Variants in RHBDD1 observed in about 807,000 individuals in gnomAD.
RHBDD1 encodes rhomboid-related protein 4.
RHBDD1 carries 38 observed loss-of-function variants against 36.3 expected under a neutral mutation model. That is an observed-to-expected ratio of 1.05 (90% CI 0.81 to 1.37). RHBDD1 has a LOEUF of 1.37. RHBDD1 is among the 40% of genes most tolerant of loss of function. RHBDD1 has a pLI of 0.00. For missense variants in RHBDD1, 393 were observed against 377.6 expected (o/e 1.04, Z -0.34); for synonymous variants, 151 against 136.5 (o/e 1.11, Z -0.74).
chr2:226,853,250 ATG>A (rs1943002654), intron 3 of RHBDD1, among the ~76,000 whole-genome samples: 1 of 152,240 alleles, frequency 6.6e-6, no homozygotes, highest in African/African-American at 2.4e-5. Flanking sequence ...TCTCTTCTAA[ATG>A]TTCCTGGTCT....
rs1948492756 is a variant in RHBDD1, at chr2:226,911,241, G to A, written c.712+2363G>A. On this transcript the variant is annotated intron_variant, in intron 7 of 8. Transcript: ENST00000392062. Reference sequence around the variant, plus strand: ...GAATTAACTGAGCATTTTTGGGGGTGGATAGGTAGAAATGCTGCGTAGATC... The same window carrying A: ...GAATTAACTGAGCATTTTTGGGGGTAGATAGGTAGAAATGCTGCGTAGATC... Among the ~76,000 whole-genome samples the A allele has an allele frequency of 1.3e-5, 2 of 152,086 alleles. 1 individual carries two copies. Among genetic ancestry groups the A allele is most frequent in the Admixed American group, 1.3e-4 (2 of 15,250 alleles).
intron 5 of RHBDD1, among the ~76,000 whole-genome samples, chr2:226,883,672 G>A (rs1945968675): frequency 2.6e-5 from 4 of 152,158 alleles, no homozygotes; most frequent in Admixed American, 2.6e-4. Flanking sequence ...AATCAATTTT[G>A]GTGACTTGGT....
intron 3 of RHBDD1, 149 bp from the exon 4 acceptor site, chr2:226,864,455 C>T (rs994869741): frequency 1.0e-5 from 5 of 497,748 alleles, no homozygotes; most frequent in Non-Finnish European, 1.8e-5. Flanking sequence ...TCAGCATCCT[C>T]GATATTACTC....
chr2:226,945,350 C>T (rs546033600), intron 8 of RHBDD1, among the ~76,000 whole-genome samples: 1 of 152,088 alleles, frequency 6.6e-6, no homozygotes, highest in African/African-American at 2.4e-5. Flanking sequence ...TGATGTTCCC[C>T]TCCTTATGTC....
At chr2:226,929,447 G>A (rs1183634592) in intron 8 of RHBDD1, among the ~76,000 whole-genome samples, 3 of 152,018 alleles carry the variant, frequency 2.0e-5, no homozygotes, top group East Asian at 1.9e-4. Context: ...CTAAAGTCCA[G>A]CATCCATTTA....
intron 5 of RHBDD1, 194 bp from the exon 6 acceptor site, chr2:226,906,599 A>C: frequency 2.5e-6 from 3 of 1,215,268 alleles, no homozygotes; most frequent in Non-Finnish European, 3.4e-6. Context: ...GGTGGTTGTT[A>C]TTCATTGTAC....
chr2:226,829,810 T>A, the RHBDD1 span, among the ~76,000 whole-genome samples: 1 of 152,070 alleles, frequency 6.6e-6, no homozygotes, highest in Non-Finnish European at 1.5e-5. Flanking sequence ...GTGAATAGAG[T>A]TTCACTTTTT....
intron 8 of RHBDD1, among the ~76,000 whole-genome samples, chr2:226,986,446 A>G (rs1393034884): frequency 6.6e-6 from 1 of 152,222 alleles, no homozygotes; most frequent in Non-Finnish European, 1.5e-5. Flanking sequence ...ACGTAAATTT[A>G]AAATTATTCC....
intron 5 of RHBDD1, chr2:226,869,260 C>T (rs1045385353): frequency 5.9e-5 from 49 of 830,778 alleles, no homozygotes; most frequent in Non-Finnish European, 6.8e-5. Context: ...TGTCTTTGAA[C>T]TTAAAGTCTT....
chr2:226,959,496 C>T (rs1338978654), intron 8 of RHBDD1, among the ~76,000 whole-genome samples: 1 of 152,168 alleles, frequency 6.6e-6, no homozygotes, highest in Non-Finnish European at 1.5e-5. Flanking sequence ...TTTTTATAAA[C>T]AGAAACGTAC....
chr2:226,851,722 T>G (rs1404562314), intron 3 of RHBDD1, among the ~76,000 whole-genome samples: 1 of 152,230 alleles, frequency 6.6e-6, no homozygotes, highest in Non-Finnish European at 1.5e-5. Flanking sequence ...CTGTGTAATT[T>G]AGTTAAACTG....
intron 5 of RHBDD1, among the ~76,000 whole-genome samples, chr2:226,879,763 CAT>C (rs1392391918): frequency 1.3e-5 from 2 of 152,058 alleles, no homozygotes; most frequent in African/African-American, 4.8e-5. Context: ...AAGCAAGTGA[CAT>C]ATAAATTCAG....
At chr2:226,802,713 T>C in the RHBDD1 span, among the ~76,000 whole-genome samples, 1 of 152,106 alleles carries the variant, frequency 6.6e-6, no homozygotes. Context: ...TATAGGAGAG[T>C]TAGAGCCGAT....
intron 8 of RHBDD1, among the ~76,000 whole-genome samples, chr2:226,936,610 A>T (rs1008606267): frequency 6.6e-6 from 1 of 152,160 alleles, no homozygotes; most frequent in Non-Finnish European, 1.5e-5. Flanking sequence ...AATTAATTCT[A>T]CCCATATCCC....
intron 5 of RHBDD1, among the ~76,000 whole-genome samples, chr2:226,883,099 A>G (rs575230817): frequency 7.9e-5 from 12 of 152,370 alleles, no homozygotes; most frequent in Non-Finnish European, 1.6e-4. Flanking sequence ...AGTTTGGTCC[A>G]TAAGAGTTCC....
At chr2:226,845,239 G>A (rs1942095472) in intron 3 of RHBDD1, among the ~76,000 whole-genome samples, 2 of 152,138 alleles carry the variant, frequency 1.3e-5, no homozygotes, top group South Asian at 4.1e-4. Context: ...AGAAAGTCAT[G>A]GAAAATGCTA....
At chr2:226,979,092 G>T (rs1292414012) in intron 8 of RHBDD1, among the ~76,000 whole-genome samples, 1 of 152,104 alleles carries the variant, frequency 6.6e-6, no homozygotes, top group African/African-American at 2.4e-5. Flanking sequence ...TATTCGTGTG[G>T]CTCATTCCCA....
At chr2:226,922,563 A>G (rs1949402166) in intron 8 of RHBDD1, among the ~76,000 whole-genome samples, 2 of 152,074 alleles carry the variant, frequency 1.3e-5, no homozygotes, top group African/African-American at 4.8e-5. Context: ...GCAACAGATC[A>G]TTGGACCTTA....
upstream of RHBDD1, among the ~76,000 whole-genome samples, chr2:226,831,957 G>GTT (rs58851411): frequency 7.2e-5 from 10 of 139,052 alleles, no homozygotes; most frequent in Non-Finnish European, 9.6e-5. Context: ...AATTTTACTG[G>GTT]TTTTTTTTTT....
Sources: allele counts gnomAD v4.1 joint callset (sites outside exome capture counted in the v4.1 genomes callset), GRCh38; gene constraint gnomAD v4.1.1; transcripts MANE v1.5; gene names NCBI Gene and HGNC (gene_info 2026-07-23, HGNC 2026-07-21).